The following GRM5 variants were observed in gnomAD, a reference collection of about 807,000 sequenced individuals.
GRM5 encodes metabotropic glutamate receptor 5.
Under a neutral mutation model 83.1 loss-of-function variants are expected in GRM5, and 19 were observed. The ratio of observed to expected loss-of-function variants is 0.23; its 90% CI spans 0.16 to 0.34. The LOEUF is 0.34. GRM5 is among the 10% of genes least tolerant of loss of function. The pLI is 1.00. For synonymous variants in GRM5, 675 were observed against 633.6 expected, an observed-to-expected ratio of 1.07 and a Z score of -0.98; for missense variants, 1,160 against 1,588.3, an observed-to-expected ratio of 0.73 and a Z score of 4.58.
At chr11:89,037,705 T>G (rs1372276819) in intron 2 of GRM5, among the ~76,000 whole-genome samples, 3 of 152,104 alleles carry the variant, frequency 2.0e-5, no homozygotes, top group African/African-American at 7.2e-5. Flanking sequence ...ATGGGTGCCT[T>G]GAAATTTTTG....
chr11:88,625,001 T>A (rs566764061), intron 4 of GRM5, among the ~76,000 whole-genome samples: 24 of 152,340 alleles, frequency 1.6e-4, no homozygotes, highest in Non-Finnish European at 2.8e-4. Flanking sequence ...ACTTATGTGA[T>A]ACAGTCTTAC....
chr11:88,985,734 T>C (rs1939685161), intron 2 of GRM5, among the ~76,000 whole-genome samples: 1 of 152,150 alleles, frequency 6.6e-6, no homozygotes, highest in South Asian at 2.1e-4. Context: ...TAAAGCATTT[T>C]TTGTCCTTTT....
Position 88,508,659 on chromosome 11 carries a change from A to T in GRM5, c.3572T>A (p.Ile1191Asn). 1 of 1,609,596 alleles carries T rather than the reference A, an allele frequency of 6.2e-7. No individual in the cohort carries two copies. Among genetic ancestry groups the T allele is most frequent in the Non-Finnish European group, 8.5e-7 (1 of 1,178,070 alleles). The change falls in exon 10 of 10, where the codon ATC (isoleucine) becomes AAC (asparagine). Residue 1191 changes from isoleucine to asparagine, a missense_variant. This residue lies in a region of GRM5 where 562 missense variants were observed against 532.4 expected (regional missense o/e 1.06). Transcript: ENST00000305447. This position sits in a 1 kb window ranked among gnomAD's most constrained non-coding sequence, Gnocchi z 4.2. Reference protein sequence around the residue: ...NSPVSESALCIPSSPKYDTLI... With the variant: ...NSPVSESALCNPSSPKYDTLI... ...AGTGTCATATTTGGGAGACGACGGG[A>T]TACAGAGGGCCGACTCGGACACTGG...
chr11:88,699,297 A>G (rs1200625254), intron 3 of GRM5, among the ~76,000 whole-genome samples: 1 of 152,160 alleles, frequency 6.6e-6, no homozygotes, highest in African/African-American at 2.4e-5. Flanking sequence ...AAGCATATGA[A>G]TGAAAAACTC....
At chr11:88,883,816 C>T (rs1944999057) in intron 2 of GRM5, among the ~76,000 whole-genome samples, 1 of 152,074 alleles carries the variant, frequency 6.6e-6, no homozygotes, top group South Asian at 2.1e-4. Flanking sequence ...CATCTGCAGC[C>T]CCAAGCCTTG....
chr11:88,515,091 T>C (rs192402866), intron 9 of GRM5, among the ~76,000 whole-genome samples: 59 of 152,248 alleles, frequency 3.9e-4, no homozygotes, highest in Admixed American at 1.6e-3. Flanking sequence ...TTTCAGAAGC[T>C]ACATGTTCAT....
intron 3 of GRM5, among the ~76,000 whole-genome samples, chr11:88,696,375 C>T (rs12290292): frequency 0.65 from 98,519 of 151,982 alleles, 33,670 homozygotes; most frequent in South Asian, 0.83. Context: ...AAAAATGCAA[C>T]ATTTGGGCAC....
At chr11:88,866,361 CAT>C (rs1294672510) in intron 2 of GRM5, among the ~76,000 whole-genome samples, 1 of 151,952 alleles carries the variant, frequency 6.6e-6, no homozygotes, top group Non-Finnish European at 1.5e-5. Flanking sequence ...AATGAGAACA[CAT>C]AGACACAGGG....
At chr11:88,784,570 T>C (rs1417511379) in intron 3 of GRM5, among the ~76,000 whole-genome samples, 1 of 152,086 alleles carries the variant, frequency 6.6e-6, no homozygotes, top group Non-Finnish European at 1.5e-5. Context: ...GTGTTAGAGA[T>C]TGACTGGCTA....
intron 2 of GRM5, among the ~76,000 whole-genome samples, chr11:89,031,786 G>C (rs1941269171): frequency 6.6e-6 from 1 of 151,522 alleles, no homozygotes; most frequent in South Asian, 2.1e-4. Flanking sequence ...TTTTATATTT[G>C]GAAATCATGT....
At chr11:88,949,514 C>T (rs1462826665) in intron 2 of GRM5, among the ~76,000 whole-genome samples, 5 of 152,062 alleles carry the variant, frequency 3.3e-5, no homozygotes, top group Non-Finnish European at 4.4e-5. Context: ...AAATATTATC[C>T]TAGTTGAAGA....
intron 1 of GRM5, among the ~76,000 whole-genome samples, chr11:89,054,114 C>CGAAGGCA (rs1565353716): frequency 2.0e-5 from 3 of 151,988 alleles, no homozygotes; most frequent in Non-Finnish European, 2.9e-5. Flanking sequence ...AATAAGGGCA[C>CGAAGGCA]GAAGGCAGAA....
intron 3 of GRM5, among the ~76,000 whole-genome samples, chr11:88,744,395 T>C (rs543075649): frequency 6.6e-6 from 1 of 152,290 alleles, no homozygotes; most frequent in Non-Finnish European, 1.5e-5. Flanking sequence ...TCAGCAGTCA[T>C]TGCATAATAG....
In GRM5 at chr11:88,506,046, G is replaced by A. The variant is rs533178177; in HGVS notation, c.*2546C>T. 32 of 152,248 alleles carry A rather than the reference G, an allele frequency of 2.1e-4. No individual in the cohort carries two copies. Among genetic ancestry groups the A allele is most frequent in the African/African-American group, 7.5e-4 (31 of 41,548 alleles). The allele number at this position is 152,248 out of a possible 1,614,324, so 9.4% of individuals were successfully genotyped here. A position where few individuals can be genotyped will look rare whatever the true frequency, so the allele number is the denominator to read the frequency against. On this transcript the variant is annotated 3_prime_UTR_variant, in exon 10 of 10. Transcript: ENST00000305447. ...ATGTCCAACATACAATGTATTCAAT[G>A]GAGTGGCAAAAGTTATAGAAATACA...
chr11:88,709,099 A>G, intron 3 of GRM5, among the ~76,000 whole-genome samples: 1 of 152,068 alleles, frequency 6.6e-6, no homozygotes, highest in East Asian at 1.9e-4. Context: ...TATTTTGGAG[A>G]GAAGTCCCTG....
At chr11:88,980,373 C>G (rs1397219336) in intron 2 of GRM5, among the ~76,000 whole-genome samples, 2 of 152,114 alleles carry the variant, frequency 1.3e-5, no homozygotes, top group Non-Finnish European at 2.9e-5. Context: ...GAACATTAAG[C>G]AGGAGAGAGA....
chr11:89,061,816 G>A (rs1375854561), intron 1 of GRM5, among the ~76,000 whole-genome samples: 1 of 152,198 alleles, frequency 6.6e-6, no homozygotes, highest in East Asian at 1.9e-4. Flanking sequence ...ACATTGAAGA[G>A]TTTGGGCTTT....
intron 8 of GRM5, among the ~76,000 whole-genome samples, chr11:88,558,799 CAAAAA>C (rs71265014): frequency 1.8e-4 from 4 of 21,908 alleles, no homozygotes; most frequent in African/African-American, 3.9e-4. Context: ...GACTCCATCT[CAAAAA>C]AAAAAAAAAA....
chr11:88,952,510 G>C (rs1197274434), intron 2 of GRM5, among the ~76,000 whole-genome samples: 2 of 152,024 alleles, frequency 1.3e-5, no homozygotes, highest in African/African-American at 4.8e-5. Context: ...TGAATGTTCT[G>C]ATGCAAAATT....
Sources: allele counts gnomAD v4.1 joint callset (sites outside exome capture counted in the v4.1 genomes callset), GRCh38; gene constraint gnomAD v4.1.1; regional missense constraint gnomAD v4.1.1; non-coding constraint Gnocchi (gnomAD v3.1); transcripts MANE v1.5; gene names NCBI Gene and HGNC (gene_info 2026-07-23, HGNC 2026-07-21).